Variants in EVC observed in about 807,000 individuals in gnomAD.
EVC encodes the protein evC complex member EVC.
EVC carries 116 observed loss-of-function variants against 118.9 expected under a neutral mutation model. That is an observed-to-expected ratio of 0.98 (90% CI 0.84 to 1.14). The LOEUF is 1.14. Among genes scored for constraint, EVC ranks in the 50% most tolerant of loss-of-function variants. The pLI, the probability that EVC is intolerant of heterozygous loss-of-function variation, is 0.00. For synonymous variants in EVC, 619 were observed against 534.7 expected (o/e 1.16, Z -2.18); for missense variants, 1,401 against 1,246.4 (o/e 1.12, Z -1.87).
rs181849261 is a variant in EVC, at chr4:5,752,723, C to T, written c.1099-113C>T. ...GTTCATCCCTCTGAGCTCCGCTCTCCCAGGCAGTGCCATTAGTTAATGACC... is the reference window on the plus strand; with the variant it reads ...GTTCATCCCTCTGAGCTCCGCTCTCTCAGGCAGTGCCATTAGTTAATGACC... On this transcript the variant is annotated intron_variant, in intron 8 of 20. Coordinates refer to ENST00000264956, the MANE Select transcript of EVC (RefSeq NM_153717.3). The T allele has an allele frequency of 1.5e-5, 16 of 1,078,738 alleles. No individual in the cohort carries two copies. The African/African-American group carries it at 2.5e-4, about 17-fold the overall frequency. 66.8% of individuals were successfully genotyped at this position (1,078,738 alleles called of 1,614,324 possible).
intron 13 of EVC, among the ~76,000 whole-genome samples, chr4:5,794,324 TTTATATATATTTATATAC>T (rs1325677381): frequency 7.4e-6 from 1 of 135,188 alleles, no homozygotes; most frequent in African/African-American, 2.8e-5. Context: ...TTTATATATA[TTTATATATATTTATATAC>T]TTATATATAT....
intron 11 of EVC, among the ~76,000 whole-genome samples, chr4:5,757,884 TC>T (rs1312268456): frequency 6.8e-6 from 1 of 148,066 alleles, no homozygotes; most frequent in Non-Finnish European, 1.5e-5. Flanking sequence ...GGTTAGGGCT[TC>T]AACCTAAGAA....
chr4:5,778,115 T>A (rs1490871408), intron 11 of EVC, among the ~76,000 whole-genome samples: 1 of 151,552 alleles, frequency 6.6e-6, no homozygotes, highest in Non-Finnish European at 1.5e-5. Flanking sequence ...TGCGATAGTT[T>A]ACTGAGAATG....
intron 12 of EVC, among the ~76,000 whole-genome samples, chr4:5,788,570 A>G (rs772422112): frequency 6.6e-6 from 1 of 151,980 alleles, no homozygotes; most frequent in Non-Finnish European, 1.5e-5. Context: ...GCCTTCCTCC[A>G]TTTTTCTACT....
chr4:5,741,510 A>C (rs956505790), intron 5 of EVC, among the ~76,000 whole-genome samples: 3 of 152,244 alleles, frequency 2.0e-5, no homozygotes, highest in Non-Finnish European at 4.4e-5. Context: ...AGCTTCATGA[A>C]AATGTAATGC....
intron 12 of EVC, 29 bp downstream of exon 12, chr4:5,783,793 G>C (rs1412683671): frequency 6.3e-7 from 1 of 1,575,996 alleles, no homozygotes; most frequent in African/African-American, 1.4e-5. Flanking sequence ...CCAGGGGCTG[G>C]GGTCTGCATT....
chr4:5,771,924 G>A (rs553025434), intron 11 of EVC, among the ~76,000 whole-genome samples: 49 of 151,170 alleles, frequency 3.2e-4, no homozygotes, highest in Non-Finnish European at 6.2e-4. Context: ...ATTTTGAGAC[G>A]TCTCACTCTG....
At chr4:5,779,525 A>G (rs1190577983) in intron 11 of EVC, among the ~76,000 whole-genome samples, 5 of 146,720 alleles carry the variant, frequency 3.4e-5, no homozygotes, top group South Asian at 2.1e-4. Context: ...ATTGAGCAGT[A>G]GTTTGTAGTT....
intron 11 of EVC, among the ~76,000 whole-genome samples, chr4:5,766,947 A>G (rs527749764): frequency 0.022 from 3,342 of 151,880 alleles, 41 homozygotes; most frequent in Middle Eastern, 0.068. Context: ...CTGGTGAGGA[A>G]CTGCATTCCT....
intron 17 of EVC, among the ~76,000 whole-genome samples, chr4:5,807,640 C>T (rs545624430): frequency 6.8e-6 from 1 of 147,856 alleles, no homozygotes; most frequent in African/African-American, 2.5e-5. Context: ...GCTCTGTCCC[C>T]CTCTCTGAGA....
the EVC span, chr4:5,820,672 A>C: frequency 6.6e-6 from 1 of 152,204 alleles, no homozygotes; most frequent in Non-Finnish European, 1.5e-5. Context: ...GTCTCTACCA[A>C]GAGTGAGTCC....
intron 17 of EVC, 77 bp from the exon 18 acceptor site, chr4:5,808,124 C>G: frequency 1.5e-6 from 1 of 657,696 alleles, no homozygotes; most frequent in Non-Finnish European, 2.2e-6. Context: ...GCCTCCCTGC[C>G]TTCCTTCTCC....
At position 5,754,378 on chromosome 4, in the gene EVC, GT is replaced by G. The variant is rs955039972; in HGVS notation, c.1464+447del. Among the ~76,000 whole-genome samples, 8 of 152,168 alleles carry G rather than the reference GT, an allele frequency of 5.3e-5. No homozygotes were observed. The highest frequency in any genetic ancestry group is 1.9e-4 in the African/African-American group (8 of 41,456). On this transcript the variant is annotated intron_variant, in intron 10 of 20. Transcript: ENST00000264956. This position sits in a 1 kb window ranked among gnomAD's most constrained non-coding sequence, Gnocchi z 5.8. ...GGGAGTTCCCAGCCTTGCATGTGGG[GT>G]TGAGTGGTCAGGGCCAGGAGGTGGC...
rs1444019615 is a variant in EVC at position 5,756,561 on chromosome 4, C to G, written c.1563+199C>G. Reference sequence around the variant, plus strand: ...GAAACCGAGGCAGTTGGCCTTGGTCCTCTCTGAGGCACCGTCCATTTTTGG... The same window carrying G: ...GAAACCGAGGCAGTTGGCCTTGGTCGTCTCTGAGGCACCGTCCATTTTTGG... On this transcript the variant is annotated intron_variant, in intron 11 of 20. Transcript: ENST00000264956. The surrounding 1 kb of genome is among the most constrained non-coding windows in gnomAD (Gnocchi z 4.2). Among the ~76,000 whole-genome samples, 1 of 152,218 alleles carries G rather than the reference C, an allele frequency of 6.6e-6. No homozygotes were observed. The highest frequency in any genetic ancestry group is 1.5e-5 in the Non-Finnish European group (1 of 68,044).
Position 5,778,344 on chromosome 4 carries a change from GTA to G in EVC, c.1564-5203_1564-5202del, listed in dbSNP as rs1479347661. On this transcript the variant is annotated intron_variant, in intron 11 of 20. Transcript: ENST00000264956. The stretch of plus-strand genomic sequence containing the variant: ...AGCAGCATGATTTATAGTCCTTTGG[GTA>G]TATACCCAGTAATGGGATGGCCGGG... Among the ~76,000 whole-genome samples the G allele has an allele frequency of 2.6e-5, 4 of 152,078 alleles. No homozygotes were observed. The East Asian group carries it at 7.7e-4, about 29-fold the overall frequency.
intron 5 of EVC, among the ~76,000 whole-genome samples, chr4:5,740,664 G>C (rs992901977): frequency 6.6e-6 from 1 of 152,078 alleles, no homozygotes; most frequent in African/African-American, 2.4e-5. Context: ...GCTACAGAGT[G>C]AGAGAAAATG....
chr4:5,752,766 G>A, intron 8 of EVC, 70 bp from the exon 9 acceptor site: 2 of 1,520,618 alleles, frequency 1.3e-6, no homozygotes, highest in South Asian at 1.1e-5. Context: ...CTTCTTCTCA[G>A]CTGTTAATTA....
chr4:5,778,770 T>G (rs562543478), intron 11 of EVC, among the ~76,000 whole-genome samples: 7 of 152,292 alleles, frequency 4.6e-5, no homozygotes, highest in South Asian at 2.1e-4. Flanking sequence ...GTTGGGAAAA[T>G]GTTCTCCCAT....
At position 5,737,621 on chromosome 4, in the gene EVC, C is replaced by T. The variant is rs1237967715; in HGVS notation, c.703-4095C>T. Among the ~76,000 whole-genome samples, 1 of 152,170 alleles carries T rather than the reference C, an allele frequency of 6.6e-6. No homozygotes were observed. The highest frequency in any genetic ancestry group is 2.4e-5 in the African/African-American group (1 of 41,428). On this transcript the variant is annotated intron_variant, in intron 5 of 20. Coordinates refer to ENST00000264956, the MANE Select transcript of EVC (RefSeq NM_153717.3). The surrounding 1 kb of genome is among the most constrained non-coding windows in gnomAD (Gnocchi z 5.0). ...AGTCCTAGGGCCCTTAAGGGTGATG[C>T]TAAATCTACTCTGCCTGTGCTCTAT... is the stretch of plus-strand genomic sequence containing the variant.
Sources: allele counts gnomAD v4.1 joint callset (sites outside exome capture counted in the v4.1 genomes callset), GRCh38; gene constraint gnomAD v4.1.1; non-coding constraint Gnocchi (gnomAD v3.1); transcripts MANE v1.5; gene names NCBI Gene and HGNC (gene_info 2026-07-23, HGNC 2026-07-21).